Variants in AZIN1 observed in about 807,000 individuals in gnomAD.
The protein encoded by AZIN1 is ornithine decarboxylase antizyme inhibitor.
A neutral mutation model predicts 47.4 loss-of-function variants in AZIN1; 12 were observed. The ratio of observed to expected loss-of-function variants is 0.25; its 90% CI spans 0.16 to 0.41. The LOEUF is 0.41. AZIN1 is among the 10% of genes least tolerant of loss of function. The probability of loss-of-function intolerance (pLI) is 1.00; values close to 1 mark genes in which losing one functional copy is unlikely to be tolerated. For missense variants in AZIN1, 410 were observed against 532.4 expected (o/e 0.77, Z 2.26); for synonymous variants, 155 against 176.3 (o/e 0.88, Z 0.96).
At chr8:102,856,452 A>C (rs1813299955) in intron 2 of AZIN1, among the ~76,000 whole-genome samples, 2 of 152,176 alleles carry the variant, frequency 1.3e-5, no homozygotes, top group Non-Finnish European at 2.9e-5. Flanking sequence ...TATTAATCTA[A>C]AGACTACTTT....
chr8:102,861,592 A>G (rs1484500917), intron 1 of AZIN1, among the ~76,000 whole-genome samples: 1 of 152,202 alleles, frequency 6.6e-6, no homozygotes, highest in Non-Finnish European at 1.5e-5. Context: ...AGCAACACAA[A>G]TAATCTACTG....
chr8:102,841,501 GA>G (rs1812176786), intron 3 of AZIN1, among the ~76,000 whole-genome samples: 1 of 152,126 alleles, frequency 6.6e-6, no homozygotes, highest in South Asian at 2.1e-4. Flanking sequence ...ATTTGACTAG[GA>G]GCTTCCCAGT....
intron 2 of AZIN1, among the ~76,000 whole-genome samples, chr8:102,854,034 C>T (rs749829781): frequency 5.1e-4 from 77 of 152,028 alleles, no homozygotes; most frequent in Non-Finnish European, 9.3e-4. Flanking sequence ...CTCCGCCTCC[C>T]GGGTTCAAGC....
At position 102,838,786 on chromosome 8, in the gene AZIN1, T is replaced by A; in HGVS notation, c.407A>T (p.Glu136Val). The stretch of plus-strand genomic sequence containing the variant: ...ACGTGCAATTTTCTTCAATTCAATT[T>A]CATTGTCACATGTCAGGATATTCAC... ...VGVNILTCDN[E>V]IELKKIARNH... The change falls in exon 5 of 12, where the codon GAA (glutamate) becomes GTA (valine). Residue 136 changes from glutamate (E) to valine (V), a missense_variant. Around this residue, in one of 3 missense-constraint regions of AZIN1, gnomAD observed 237 missense variants for 309.4 expected, o/e 0.77. Coordinates refer to ENST00000337198, the MANE Select transcript of AZIN1 (RefSeq NM_148174.4). 1.2e-6 allele frequency: 2 copies of A among 1,613,122 alleles called. No individual in the cohort carries two copies. Among genetic ancestry groups the A allele is most frequent in the Non-Finnish European group, 1.7e-6 (2 of 1,179,768 alleles).
chr8:102,840,023 T>C (rs971402399), intron 3 of AZIN1, among the ~76,000 whole-genome samples, 200 bp from the exon 4 acceptor site: 2 of 152,212 alleles, frequency 1.3e-5, no homozygotes, highest in African/African-American at 4.8e-5. Context: ...TCTTTCTTCT[T>C]ATATTTGATT....
intron 1 of AZIN1, among the ~76,000 whole-genome samples, chr8:102,861,741 TA>T (rs999443507): frequency 2.5e-4 from 37 of 147,200 alleles, no homozygotes; most frequent in Non-Finnish European, 2.9e-4. Flanking sequence ...TCTATGGGTT[TA>T]AAAAAAAAAA....
chr8:102,838,896 T>C lies in AZIN1; in HGVS notation c.297A>G (p.Gln99=), dbSNP rs1355372165. The C allele has an allele frequency of 1.2e-6, 2 of 1,611,852 alleles. No homozygotes were observed. The highest frequency in any genetic ancestry group is 1.1e-5 in the South Asian group (1 of 90,368). Residue 99 remains glutamine (Q), a synonymous_variant, in exon 5 of 12, where the codon CAA becomes CAG. Transcript: ENST00000337198. ...CSSKNEMALV[Q]ELGVPPENII... Reference sequence around the variant, plus strand: ...TGTTTTCTGGAGGTACACCCAACTCTTGCACTAAAGCCATTTCATTCTGTG... The same window carrying C: ...TGTTTTCTGGAGGTACACCCAACTCCTGCACTAAAGCCATTTCATTCTGTG...
chr8:102,832,046 A>T (rs1162349666), intron 9 of AZIN1, among the ~76,000 whole-genome samples: 1 of 152,220 alleles, frequency 6.6e-6, no homozygotes, highest in Non-Finnish European at 1.5e-5. Context: ...AGTGGACTTC[A>T]TGCCCCAAAT....
At chr8:102,863,215 C>A (rs1376884579) in intron 1 of AZIN1, among the ~76,000 whole-genome samples, 1 of 152,178 alleles carries the variant, frequency 6.6e-6, no homozygotes, top group African/African-American at 2.4e-5. Context: ...AGAGGGGGAC[C>A]GCGCTCCCCG....
chr8:102,848,217 C>A (rs1321748147), intron 2 of AZIN1, among the ~76,000 whole-genome samples: 1 of 149,324 alleles, frequency 6.7e-6, no homozygotes, highest in Non-Finnish European at 1.5e-5. Context: ...CAAACAACCA[C>A]AATGTCACCT....
At chr8:102,836,152 T>A in intron 6 of AZIN1, 104 bp downstream of exon 6, 1 of 1,284,188 alleles carries the variant, frequency 7.8e-7, no homozygotes, top group East Asian at 2.4e-5. Flanking sequence ...TAGAAAAAAT[T>A]GCATCTTAGA....
At chr8:102,837,150 C>T (rs943978953) in intron 5 of AZIN1, among the ~76,000 whole-genome samples, 2 of 152,190 alleles carry the variant, frequency 1.3e-5, no homozygotes, top group Non-Finnish European at 2.9e-5. Flanking sequence ...AAACTCCTGA[C>T]TTCAAGTGAT....
intron 3 of AZIN1, among the ~76,000 whole-genome samples, chr8:102,843,148 G>A (rs140869189): frequency 1.3e-3 from 200 of 150,202 alleles, no homozygotes; most frequent in African/African-American, 4.5e-3. Context: ...AGGGTTGCAC[G>A]TGAGCCAAGA....
chr8:102,838,532 CTTA>C (rs972298717), intron 5 of AZIN1, among the ~76,000 whole-genome samples: 1 of 152,156 alleles, frequency 6.6e-6, no homozygotes, highest in African/African-American at 2.4e-5. Context: ...CCAAACTGCT[CTTA>C]TTTTTTTAAA....
At chr8:102,863,720 G>C (rs1157351385) in intron 1 of AZIN1, 87 bp downstream of exon 1, 3 of 151,740 alleles carry the variant, frequency 2.0e-5, no homozygotes, top group Non-Finnish European at 4.4e-5. Flanking sequence ...TCTTAAGGGC[G>C]GCGGGGCCCA....
chr8:102,829,206 A>C, intron 11 of AZIN1, 66 bp downstream of exon 11: 1 of 1,367,098 alleles, frequency 7.3e-7, no homozygotes, highest in Non-Finnish European at 1.0e-6. Context: ...ACAGAATTAA[A>C]ACTTATTAGC....
chr8:102,834,410 T>C (rs72686914), intron 7 of AZIN1, 147 bp from the exon 8 acceptor site: 24,926 of 668,426 alleles, frequency 0.037, 591 homozygotes, highest in East Asian at 0.045. Flanking sequence ...AAACAGATTA[T>C]TCAATGTTAG....
intron 8 of AZIN1, among the ~76,000 whole-genome samples, chr8:102,833,603 T>G (rs770375607): frequency 1.3e-4 from 20 of 152,224 alleles, no homozygotes; most frequent in Admixed American, 2.6e-4. Context: ...GACGTGTATC[T>G]GGCCTAAATG....
At chr8:102,855,141 G>A (rs964124737) in intron 2 of AZIN1, among the ~76,000 whole-genome samples, 9 of 151,982 alleles carry the variant, frequency 5.9e-5, no homozygotes, top group South Asian at 2.1e-4. Flanking sequence ...TGCAGCCTCC[G>A]CCTCCCAGAT....
Sources: allele counts gnomAD v4.1 joint callset (sites outside exome capture counted in the v4.1 genomes callset), GRCh38; gene constraint gnomAD v4.1.1; regional missense constraint gnomAD v4.1.1; transcripts MANE v1.5; gene names NCBI Gene and HGNC (gene_info 2026-07-23, HGNC 2026-07-21).